Variants in DESI2 observed in about 807,000 individuals in gnomAD.
DESI2 encodes the protein deubiquitinase DESI2.
A neutral mutation model predicts 24.1 loss-of-function variants in DESI2; 10 were observed. That is an observed-to-expected ratio of 0.41 (90% CI 0.26 to 0.70). The LOEUF (loss-of-function observed/expected upper bound fraction) is 0.70. Ranked by LOEUF, DESI2 falls within the 30% of genes least tolerant of loss-of-function variation. DESI2 has a pLI of 0.29. For synonymous variants in DESI2, 71 were observed against 87.7 expected, an observed-to-expected ratio of 0.81 and a Z score of 1.06; for missense variants, 122 against 234.9, an observed-to-expected ratio of 0.52 and a Z score of 3.14.
chr1:244,697,090 C>T (rs1311193120), intron 4 of DESI2, among the ~76,000 whole-genome samples: 1 of 152,124 alleles, frequency 6.6e-6, no homozygotes, highest in African/African-American at 2.4e-5. Context: ...TTTCCTTTTG[C>T]TGATTTTGTT....
At chr1:244,656,977 T>G (rs542426087) in intron 1 of DESI2, among the ~76,000 whole-genome samples, 1 of 152,126 alleles carries the variant, frequency 6.6e-6, no homozygotes, top group African/African-American at 2.4e-5. Context: ...TTCACCATGT[T>G]GGCTAGGCTT....
rs1236864969 is a variant in DESI2 at position 244,708,022 on chromosome 1, A to G, written c.*2233A>G. ...TTGAGCAAGAAATGTCTTCCTTTAG[A>G]AAATCTCATTCAAGTCAGGTTCTTC... is the stretch of plus-strand genomic sequence containing the variant. On this transcript the variant is annotated 3_prime_UTR_variant, in exon 5 of 5. Coordinates refer to ENST00000302550, the MANE Select transcript of DESI2 (RefSeq NM_016076.5). 6.6e-6 allele frequency: 1 copy of G among 152,204 alleles called. No individual in the cohort carries two copies. Among genetic ancestry groups the G allele is most frequent in the Non-Finnish European group, 1.5e-5 (1 of 68,032 alleles). 9.4% of individuals were successfully genotyped at this position (152,204 alleles called of 1,614,324 possible).
rs1676947194 is a variant in DESI2, at chr1:244,689,580, G to A, written c.209+238G>A. ...GCTGGAGAGAAGTGGCGTGATCTCA[G>A]CTCACTGCAGCGTCCGCCTTCTAGG... On this transcript the variant is annotated intron_variant, in intron 3 of 4. Transcript: ENST00000302550. This position sits in a 1 kb window ranked among gnomAD's most constrained non-coding sequence, Gnocchi z 4.0. 6.6e-6 allele frequency among the ~76,000 whole-genome samples: 1 copy of A among 151,966 alleles called. No individual in the cohort carries two copies. The highest frequency in any genetic ancestry group is 1.5e-5 in the Non-Finnish European group (1 of 68,020).
At chr1:244,704,468 A>G (rs1573238433) in intron 4 of DESI2, among the ~76,000 whole-genome samples, 1 of 152,284 alleles carries the variant, frequency 6.6e-6, no homozygotes, top group East Asian at 1.9e-4. Context: ...CAAGAGTCCT[A>G]AGGACAGTAT....
chr1:244,705,298 T>A (rs1438600822), intron 4 of DESI2, among the ~76,000 whole-genome samples: 1 of 152,168 alleles, frequency 6.6e-6, no homozygotes, highest in Non-Finnish European at 1.5e-5. Flanking sequence ...CCAAGTGAAA[T>A]TAGCTTGATT....
chr1:244,700,631 G>A (rs1677411025), intron 4 of DESI2, among the ~76,000 whole-genome samples: 1 of 152,128 alleles, frequency 6.6e-6, no homozygotes, highest in Non-Finnish European at 1.5e-5. Flanking sequence ...ACCCCCACCA[G>A]TAGATGAAAC....
chr1:244,676,708 T>C (rs1286381188), intron 1 of DESI2, among the ~76,000 whole-genome samples: 1 of 150,626 alleles, frequency 6.6e-6, no homozygotes, highest in Non-Finnish European at 1.5e-5. Flanking sequence ...AGATGTTCTT[T>C]ATCAGCTTAG....
intron 4 of DESI2, among the ~76,000 whole-genome samples, chr1:244,699,277 G>GTTACA (rs907748674): frequency 3.9e-5 from 6 of 151,940 alleles, no homozygotes; most frequent in African/African-American, 1.5e-4. Flanking sequence ...TGTCTTTCTG[G>GTTACA]TTACATTATA....
At chr1:244,674,776 G>C (rs1014650463) in intron 1 of DESI2, among the ~76,000 whole-genome samples, 1 of 152,106 alleles carries the variant, frequency 6.6e-6, no homozygotes, top group Non-Finnish European at 1.5e-5. Flanking sequence ...TAAACATGTA[G>C]TTGTTTCTAC....
At chr1:244,673,024 G>T (rs1019457985) in intron 1 of DESI2, among the ~76,000 whole-genome samples, 3 of 151,824 alleles carry the variant, frequency 2.0e-5, no homozygotes, top group Admixed American at 6.6e-5. Context: ...TTTTGGTTTG[G>T]TTTTTTTTAC....
chr1:244,696,181 C>T (rs1186869943), intron 4 of DESI2, among the ~76,000 whole-genome samples: 1 of 152,240 alleles, frequency 6.6e-6, no homozygotes, highest in African/African-American at 2.4e-5. Flanking sequence ...TATGTTATCA[C>T]TCCACAAATT....
At chr1:244,684,168 CCTATT>C (rs1410827141) in intron 1 of DESI2, among the ~76,000 whole-genome samples, 1 of 151,928 alleles carries the variant, frequency 6.6e-6, no homozygotes, top group Non-Finnish European at 1.5e-5. Context: ...ATATGTGCAA[CCTATT>C]CTTTTACTAT....
intron 4 of DESI2, among the ~76,000 whole-genome samples, chr1:244,701,330 C>T (rs1481754091): frequency 6.7e-6 from 1 of 150,046 alleles, no homozygotes; most frequent in Non-Finnish European, 1.5e-5. Context: ...TATTCAGGAA[C>T]GATCTGTGGA....
At position 244,706,011 on chromosome 1, in the gene DESI2, C is replaced by T. The variant is rs996608858; in HGVS notation, c.*222C>T. 10 of 527,618 alleles carry T rather than the reference C, an allele frequency of 1.9e-5. No individual in the cohort carries two copies. The highest frequency in any genetic ancestry group is 1.7e-4 in the Admixed American group (5 of 29,618). The allele number at this position is 527,618 out of a possible 1,614,324, so 32.7% of individuals were successfully genotyped here. A position where few individuals can be genotyped will look rare whatever the true frequency, so the allele number is the denominator to read the frequency against. ...CTGCCCTCTGTTTTTTTTATCCACTCGTAAATCTGGATTTATTTCTTCTGT... is the reference window on the plus strand; with the variant it reads ...CTGCCCTCTGTTTTTTTTATCCACTTGTAAATCTGGATTTATTTCTTCTGT... On this transcript the variant is annotated 3_prime_UTR_variant, in exon 5 of 5. Transcript: ENST00000302550.
chr1:244,663,713 G>T (rs1485012082), intron 1 of DESI2, among the ~76,000 whole-genome samples: 1 of 151,806 alleles, frequency 6.6e-6, no homozygotes, highest in Non-Finnish European at 1.5e-5. Context: ...CCTTTCTGGG[G>T]GTTAAAAAAT....
intron 1 of DESI2, among the ~76,000 whole-genome samples, chr1:244,668,410 A>G (rs142030526): frequency 2.0e-5 from 3 of 152,222 alleles, no homozygotes; most frequent in South Asian, 2.1e-4. Context: ...ACTAGTCACA[A>G]CTGATATGGG....
intron 4 of DESI2, among the ~76,000 whole-genome samples, chr1:244,703,980 C>T (rs1379225143): frequency 2.6e-5 from 4 of 152,094 alleles, no homozygotes; most frequent in African/African-American, 9.7e-5. Context: ...AAGTGTCTAC[C>T]TCTCTGTACT....
At chr1:244,690,171 G>A (rs1003873630) in intron 3 of DESI2, among the ~76,000 whole-genome samples, 1 of 152,098 alleles carries the variant, frequency 6.6e-6, no homozygotes, top group African/African-American at 2.4e-5. Flanking sequence ...CAGCACCCAT[G>A]ATCTCATCAT....
intron 4 of DESI2, among the ~76,000 whole-genome samples, chr1:244,692,393 A>T (rs1218522794): frequency 6.6e-6 from 1 of 152,084 alleles, no homozygotes; most frequent in African/African-American, 2.4e-5. Context: ...CTTATTAATA[A>T]GTAATTCGTG....
Sources: allele counts gnomAD v4.1 joint callset (sites outside exome capture counted in the v4.1 genomes callset), GRCh38; gene constraint gnomAD v4.1.1; non-coding constraint Gnocchi (gnomAD v3.1); transcripts MANE v1.5; gene names NCBI Gene and HGNC (gene_info 2026-07-23, HGNC 2026-07-21).